Variants in ADGRD2 observed in about 807,000 individuals in gnomAD.
ADGRD2 encodes adhesion G protein-coupled receptor D2.
ADGRD2 carries 71 observed loss-of-function variants against 44.4 expected under a neutral mutation model. That is an observed-to-expected ratio of 1.60 (90% CI 1.32 to 1.95). The LOEUF (loss-of-function observed/expected upper bound fraction) is 1.95. Ranked by LOEUF, ADGRD2 falls within the 30% of genes most tolerant of loss-of-function variation. ADGRD2 has a pLI of 0.00. For missense variants in ADGRD2, 1,039 were observed against 512.4 expected (o/e 2.03, Z -9.92); for synonymous variants, 481 against 224.8 (o/e 2.14, Z -10.19).
In ADGRD2 at chr9:124,458,938, T is replaced by A. The variant is rs573271772; in HGVS notation, c.1870+217T>A. On this transcript the variant is annotated intron_variant, in intron 10 of 21. Coordinates refer to ENST00000334810, the Ensembl canonical transcript of ADGRD2. ...GTGCCACAGATACGCAGCCTTCGTT[T>A]AATCCTCCAACCGCGCACTTCATCC... 3.3e-5 allele frequency among the ~76,000 whole-genome samples: 5 copies of A among 152,372 alleles called. No individual in the cohort carries two copies. In the South Asian group the frequency reaches 1.0e-3, roughly 32 times the overall value.
chr9:124,458,260 C>T (rs1473863585), intron 9 of ADGRD2, 24 bp downstream of exon 12: 2 of 717,434 alleles, frequency 2.8e-6, no homozygotes, highest in Non-Finnish European at 5.2e-6. Flanking sequence ...ACCTGGAGGG[C>T]TGTGAGGGCC....
intron 8 of ADGRD2, among the ~76,000 whole-genome samples, chr9:124,457,894 G>C (rs188003776): frequency 2.4e-3 from 369 of 152,342 alleles, no homozygotes; most frequent in African/African-American, 8.5e-3. Context: ...AGGGCAAGGG[G>C]CAAAGGGCCT....
At chr9:124,462,674 ATTG>A (rs780184115) in intron 10 of ADGRD2, among the ~76,000 whole-genome samples, 7 of 152,132 alleles carry the variant, frequency 4.6e-5, no homozygotes, top group Non-Finnish European at 8.8e-5. Context: ...CGGAAATGAT[ATTG>A]TTTTCTTAAT....
At chr9:124,464,797 A>G (rs1355548596) in intron 10 of ADGRD2, among the ~76,000 whole-genome samples, 2 of 133,186 alleles carry the variant, frequency 1.5e-5, no homozygotes, top group Non-Finnish European at 3.1e-5. Context: ...GCTCCCACAC[A>G]TGCTGTGTGT....
exon 10 of ADGRD2, chr9:124,458,702 A>T (rs1263353466): frequency 1.4e-6 from 1 of 718,528 alleles, no homozygotes; most frequent in African/African-American, 1.7e-5. Flanking sequence ...ATGACCTTTC[A>T]TCTCCAGCAC....
chr9:124,472,190 C>T (rs1831956325), intron 17 of ADGRD2, among the ~76,000 whole-genome samples: 1 of 146,468 alleles, frequency 6.8e-6, no homozygotes, highest in African/African-American at 2.8e-5. Context: ...GGCAATGCCA[C>T]CGTCGCACCG....
At position 124,457,514 on chromosome 9, in the gene ADGRD2, G is replaced by A. The variant is rs1433494871; in HGVS notation, c.1550G>A (p.Arg517Lys). The A allele has an allele frequency of 4.4e-6, 3 of 683,426 alleles. No homozygotes were observed. In the Admixed American group the frequency reaches 6.3e-5, roughly 14 times the overall value. 42.3% of individuals were successfully genotyped at this position (683,426 alleles called of 1,614,324 possible). The change falls in exon 8 of 22, where the codon AGG becomes AAG. Residue 517 changes from arginine (R) to lysine (K), a missense_variant. Physicochemically the swap from Arg to Lys is conservative, Grantham distance 26 (BLOSUM62 2). Coordinates refer to ENST00000334810, the Ensembl canonical transcript of ADGRD2. ...TTACGCTTGAGGGAGGCCAGCACGA[G>A]GGGCTGCTTATTCACAATGCCTGGT...
chr9:124,455,181 G>A, intron 6 of ADGRD2, 54 bp downstream of exon 9: 1 of 624,244 alleles, frequency 1.6e-6, no homozygotes, highest in Non-Finnish European at 2.9e-6. Flanking sequence ...TTCCAGCCTA[G>A]CCACCAGCTG....
intron 7 of ADGRD2, 55 bp from the exon 11 acceptor site, chr9:124,457,417 C>A: frequency 1.9e-6 from 1 of 534,418 alleles, no homozygotes; most frequent in Non-Finnish European, 3.4e-6. Flanking sequence ...GCTGGGCCTG[C>A]TCAGCAGAAA....
Position 124,454,788 on chromosome 9 carries a change from G to A in ADGRD2, c.1109-55G>A. On this transcript the variant is annotated intron_variant, in intron 5 of 21. Transcript: ENST00000334810. The surrounding 1 kb of genome is among the most constrained non-coding windows in gnomAD (Gnocchi z 4.5). Reference sequence around the variant, plus strand: ...CTGGCAAAGCCCAAGTGTGGCCCTTGGGGGGATCCCCTCATAACAACCAGA... The same window carrying A: ...CTGGCAAAGCCCAAGTGTGGCCCTTAGGGGGATCCCCTCATAACAACCAGA... The A allele has an allele frequency of 7.9e-6, 5 of 635,434 alleles. No individual in the cohort carries two copies. Among genetic ancestry groups the A allele is most frequent in the Middle Eastern group, 2.5e-4 (1 of 4,016 alleles). The allele number at this position is 635,434 out of a possible 1,614,324, so 39.4% of individuals were successfully genotyped here. A position where few individuals can be genotyped will look rare whatever the true frequency, so the allele number is the denominator to read the frequency against.
chr9:124,468,240 C>T (rs1387428267), intron 13 of ADGRD2, 50 bp downstream of exon 16: 1 of 716,880 alleles, frequency 1.4e-6, no homozygotes, highest in South Asian at 1.5e-5. Context: ...TGGGAAAGTG[C>T]CTGTGGGCTT....
chr9:124,472,978 G>A (rs1564143864), intron 17 of ADGRD2, among the ~76,000 whole-genome samples: 1 of 152,188 alleles, frequency 6.6e-6, no homozygotes, highest in Admixed American at 6.5e-5. Flanking sequence ...GGGCCCCGCC[G>A]CTGACAGTCA....
At chr9:124,458,316 G>A (rs967022695) in intron 9 of ADGRD2, 80 bp downstream of exon 12, 16 of 693,010 alleles carry the variant, frequency 2.3e-5, no homozygotes, top group African/African-American at 3.5e-5. Context: ...TCTGGTGGGC[G>A]CATGTGTCCT....
chr9:124,472,060 A>G (rs1831954323), intron 17 of ADGRD2, among the ~76,000 whole-genome samples: 1 of 152,098 alleles, frequency 6.6e-6, no homozygotes, highest in African/African-American at 2.4e-5. Context: ...CCCTCTCCAC[A>G]TCATAGGGGG....
At position 124,458,372 on chromosome 9, in the gene ADGRD2, A is replaced by T. The variant is rs1831657757; in HGVS notation, c.1764+136A>T. On this transcript the variant is annotated intron_variant, in intron 9 of 21. Coordinates refer to ENST00000334810, the Ensembl canonical transcript of ADGRD2. Reference sequence around the variant, plus strand: ...TTTCCCACCCCTGCCCAACACACACACACTTCTGCACCTGCCAGAGGTGAA... The same window carrying T: ...TTTCCCACCCCTGCCCAACACACACTCACTTCTGCACCTGCCAGAGGTGAA... 14 of 622,986 alleles carry T rather than the reference A, an allele frequency of 2.2e-5. No individual in the cohort carries two copies. The South Asian group carries it at 2.6e-4, about 12-fold the overall frequency. 38.6% of individuals were successfully genotyped at this position (622,986 alleles called of 1,614,324 possible).
chr9:124,467,309 C>T (rs1232748001), intron 11 of ADGRD2: 2 of 152,368 alleles, frequency 1.3e-5, no homozygotes, highest in African/African-American at 2.5e-5. Flanking sequence ...CACTTGCTCT[C>T]CAGCCTGGGT....
chr9:124,455,149 G>T (rs1031803732), intron 6 of ADGRD2, 22 bp downstream of exon 9: 3 of 675,068 alleles, frequency 4.4e-6, no homozygotes, highest in African/African-American at 3.5e-5. Flanking sequence ...AGGGCTGGGT[G>T]GGGCAGGGGC....
chr9:124,475,516 G>T (rs774855874), intron 18 of ADGRD2, 29 bp downstream of exon 21: 2 of 715,814 alleles, frequency 2.8e-6, no homozygotes, highest in Admixed American at 2.0e-5. Flanking sequence ...GCTGCAGGGA[G>T]AGGGGTCCAA....
intron 17 of ADGRD2, 45 bp downstream of exon 20, chr9:124,470,659 G>A (rs887615847): frequency 1.2e-5 from 8 of 682,498 alleles, no homozygotes; most frequent in East Asian, 1.1e-4. Flanking sequence ...TGACATGCAC[G>A]AAAGCTCAGA....
Sources: allele counts gnomAD v4.1 joint callset (sites outside exome capture counted in the v4.1 genomes callset), GRCh38; gene constraint gnomAD v4.1.1; non-coding constraint Gnocchi (gnomAD v3.1); transcripts MANE v1.5; gene names NCBI Gene and HGNC (gene_info 2026-07-23, HGNC 2026-07-21).